Variants in PAMR1 observed in about 807,000 individuals in gnomAD.
PAMR1 encodes peptidase domain containing associated with muscle regeneration 1.
A neutral mutation model predicts 81.8 loss-of-function variants in PAMR1; 88 were observed. The ratio of observed to expected loss-of-function variants is 1.08; its 90% CI spans 0.91 to 1.28. PAMR1 has a LOEUF of 1.28. Among genes scored for constraint, PAMR1 ranks in the 50% most tolerant of loss-of-function variants. The pLI is 0.00. For missense variants in PAMR1, 935 were observed against 919.7 expected, an observed-to-expected ratio of 1.02 and a Z score of -0.21; for synonymous variants, 336 against 345.3, an observed-to-expected ratio of 0.97 and a Z score of 0.30.
upstream of PAMR1, among the ~76,000 whole-genome samples, chr11:35,528,325 T>C (rs1375783106): frequency 6.6e-6 from 1 of 152,168 alleles, no homozygotes; most frequent in East Asian, 1.9e-4. Flanking sequence ...CCTAGACCCT[T>C]ATCAGCCCAG....
At chr11:35,485,985 C>T (rs1428537993) in intron 3 of PAMR1, among the ~76,000 whole-genome samples, 1 of 152,196 alleles carries the variant, frequency 6.6e-6, no homozygotes, top group Non-Finnish European at 1.5e-5. Context: ...TGCTCAGCAC[C>T]AGGCAGGCAT....
chr11:35,504,843 T>G (rs969552752), intron 1 of PAMR1, among the ~76,000 whole-genome samples: 10 of 152,152 alleles, frequency 6.6e-5, no homozygotes, highest in African/African-American at 2.4e-4. Flanking sequence ...CTTCTTAATT[T>G]TTTTAGTCTC....
Position 35,504,273 on chromosome 11 carries a change from C to T in PAMR1, c.74-10001G>A, listed in dbSNP as rs112651358. 1.4e-3 allele frequency among the ~76,000 whole-genome samples: 209 copies of T among 152,080 alleles called. 1 individual carries two copies. The Middle Eastern group carries it at 0.031, about 22-fold the overall frequency. ...TTCTAATGTGTTGTTGAATTCAGTT[C>T]GCTAGCATTTTGTTGAAGTTATTTG... is the stretch of plus-strand genomic sequence containing the variant. On this transcript the variant is annotated intron_variant, in intron 1 of 10. Transcript: ENST00000619888.
intron 6 of PAMR1, chr11:35,451,925 C>T (rs117100524): frequency 0.011 from 7,587 of 698,654 alleles, 75 homozygotes; most frequent in Non-Finnish European, 0.013. Context: ...TCTTGGACTT[C>T]CCAGCCTCCA....
intron 1 of PAMR1, among the ~76,000 whole-genome samples, chr11:35,506,727 T>C (rs999136271): frequency 2.0e-5 from 3 of 152,096 alleles, no homozygotes; most frequent in Non-Finnish European, 4.4e-5. Flanking sequence ...TTACTGCTTT[T>C]AGGGTCCTCT....
At chr11:35,435,143 T>C (rs79815479) in intron 9 of PAMR1, among the ~76,000 whole-genome samples, 3,113 of 152,272 alleles carry the variant, frequency 0.02, 84 homozygotes, top group Admixed American at 0.068. Context: ...CACAGAGCTC[T>C]TGAGGAGATT....
chr11:35,485,179 A>T (rs1019287709), intron 3 of PAMR1, among the ~76,000 whole-genome samples: 3 of 152,168 alleles, frequency 2.0e-5, no homozygotes, highest in Admixed American at 6.5e-5. Flanking sequence ...AATGAGGTGC[A>T]GCCTGCTTAA....
At position 35,470,624 on chromosome 11, in the gene PAMR1, T is replaced by C. The variant is rs1364736617; in HGVS notation, c.689A>G (p.His230Arg). ...SDGSKNFDGF[H>R]AIYEEITACS... is the part of the protein sequence containing the mutation. ...ACCTGTGATCTCCTCATAAATGGCA[T>C]GGAAACCGTCAAAATTCTTGGAGCC... The change falls in exon 5 of 11, where the codon CAT becomes CGT. Residue 230 changes from histidine (H) to arginine (R), a missense_variant. Coordinates refer to ENST00000619888, the MANE Select transcript of PAMR1 (RefSeq NM_001001991.3). 21 of 1,614,036 alleles carry C rather than the reference T, an allele frequency of 1.3e-5. No homozygotes were observed. Among genetic ancestry groups the C allele is most frequent in the Non-Finnish European group, 1.7e-5 (20 of 1,180,008 alleles).
chr11:35,482,933 T>A (rs1850425723), intron 3 of PAMR1, among the ~76,000 whole-genome samples: 1 of 152,074 alleles, frequency 6.6e-6, no homozygotes, highest in South Asian at 2.1e-4. Context: ...TTCCTGTCAA[T>A]CTTTTAGTGC....
At chr11:35,451,315 CT>C (rs1335271499) in intron 6 of PAMR1, among the ~76,000 whole-genome samples, 1 of 152,188 alleles carries the variant, frequency 6.6e-6, no homozygotes, top group African/African-American at 2.4e-5. Flanking sequence ...TCCTTTGTTT[CT>C]TTCACTAAAC....
intron 1 of PAMR1, among the ~76,000 whole-genome samples, chr11:35,498,337 T>A (rs1850765635): frequency 6.6e-6 from 1 of 152,330 alleles, no homozygotes; most frequent in East Asian, 1.9e-4. Context: ...AATCTCCCTC[T>A]GCTACTTGCC....
intron 3 of PAMR1, among the ~76,000 whole-genome samples, chr11:35,479,190 A>G (rs1483274591): frequency 6.6e-6 from 1 of 152,162 alleles, no homozygotes; most frequent in Non-Finnish European, 1.5e-5. Context: ...TTCCTCTTAG[A>G]AAGAAAAGGA....
At chr11:35,473,862 C>T (rs950498757) in intron 4 of PAMR1, among the ~76,000 whole-genome samples, 3 of 152,144 alleles carry the variant, frequency 2.0e-5, no homozygotes, top group Non-Finnish European at 4.4e-5. Flanking sequence ...TGGACAATGA[C>T]CCTAGCCATT....
chr11:35,513,539 C>T (rs1166902612), intron 1 of PAMR1: 8 of 152,162 alleles, frequency 5.3e-5, no homozygotes, highest in East Asian at 1.9e-4. Context: ...GAAACCATGC[C>T]GAGTGCTTTC....
intron 6 of PAMR1, among the ~76,000 whole-genome samples, chr11:35,446,404 C>T (rs1448448414): frequency 1.3e-5 from 2 of 152,028 alleles, no homozygotes; most frequent in Non-Finnish European, 2.9e-5. Context: ...GTTCTTAGTT[C>T]TCTAGTTATT....
chr11:35,468,401 C>T (rs1856794405), intron 5 of PAMR1, among the ~76,000 whole-genome samples: 1 of 152,204 alleles, frequency 6.6e-6, no homozygotes, highest in Non-Finnish European at 1.5e-5. Context: ...TTGATGAAAG[C>T]AGAGCCATGC....
At chr11:35,458,094 T>C (rs1326095869) in intron 6 of PAMR1, among the ~76,000 whole-genome samples, 1 of 152,196 alleles carries the variant, frequency 6.6e-6, no homozygotes, top group Admixed American at 6.5e-5. Context: ...CTTTTTCTTT[T>C]CAGGAAAGGG....
chr11:35,444,966 C>A (rs1460414656), intron 6 of PAMR1, among the ~76,000 whole-genome samples: 1 of 152,128 alleles, frequency 6.6e-6, no homozygotes, highest in East Asian at 1.9e-4. Flanking sequence ...TTTTTCCTAT[C>A]CATGAGCGTG....
intron 6 of PAMR1, among the ~76,000 whole-genome samples, chr11:35,452,824 C>A (rs1195797199): frequency 1.3e-5 from 2 of 152,080 alleles, no homozygotes; most frequent in Non-Finnish European, 2.9e-5. Flanking sequence ...ATAAAAATCT[C>A]TTTAATATCT....
Sources: gnomAD v4.1 joint callset for allele counts (sites outside exome capture counted in the v4.1 genomes callset) on GRCh38, gnomAD v4.1.1 for gene constraint, MANE v1.5 for transcripts, NCBI Gene and HGNC (gene_info 2026-07-23, HGNC 2026-07-21) for gene names.